The following FADS2 variants were observed in gnomAD, a reference collection of about 807,000 sequenced individuals.
FADS2 encodes the protein acyl-CoA 6-desaturase.
In FADS2, 18 loss-of-function variants were observed where a neutral mutation model predicts 61.2. The observed-to-expected ratio is 0.29, with a 90% CI of 0.20 to 0.44. FADS2 has a LOEUF of 0.44. FADS2 is among the 20% of genes least tolerant of loss of function. The pLI is 1.00. For synonymous variants in FADS2, 203 were observed against 223.9 expected, an observed-to-expected ratio of 0.91 and a Z score of 0.83; for missense variants, 322 against 572.7, an observed-to-expected ratio of 0.56 and a Z score of 4.47.
chr11:61,828,122 C>T, upstream of FADS2: 1 of 1,362,468 alleles, frequency 7.3e-7, no homozygotes, highest in Non-Finnish European at 9.4e-7. This position sits in a 1 kb window ranked among gnomAD's most constrained non-coding sequence, Gnocchi z 6.4. Flanking sequence ...GGCAAAAGTC[C>T]ATAGCGGGAG....
At position 61,864,958 on chromosome 11, in the gene FADS2, G is replaced by A. The variant is rs188437535; in HGVS notation, c.1158-194G>A. On this transcript the variant is annotated intron_variant, in intron 10 of 11. Transcript: ENST00000278840. ...AGAGCACAAACGCCCTCCTGCTCACGGAGGGCTGCACCCTCCCCTCCACAC... is the reference window on the plus strand; with the variant it reads ...AGAGCACAAACGCCCTCCTGCTCACAGAGGGCTGCACCCTCCCCTCCACAC... Among the ~76,000 whole-genome samples, 33 of 152,192 alleles carry A rather than the reference G, an allele frequency of 2.2e-4. No homozygotes were observed. The East Asian group carries it at 4.1e-3, about 19-fold the overall frequency.
At chr11:61,842,003 A>G (rs1478252824) in intron 4 of FADS2, among the ~76,000 whole-genome samples, 4 of 152,186 alleles carry the variant, frequency 2.6e-5, no homozygotes, top group Non-Finnish European at 5.9e-5. Context: ...AGTTTTGAAA[A>G]TGAGTCTTTG....
rs762390755 is a variant in FADS2 at position 61,828,495 on chromosome 11, G to A, written c.105G>A (p.Arg35=). 1.2e-6 allele frequency: 2 copies of A among 1,613,376 alleles called. No homozygotes were observed. Among genetic ancestry groups the A allele is most frequent in the East Asian group, 2.2e-5 (1 of 44,848 alleles). ...EIQKHNLRTD[R]WLVIDRKVYN... ...AGAAGCATAACCTGCGCACCGACAG[G>A]TGGCTGGTCATTGACCGCAAGGTTT... Residue 35 remains arginine, a synonymous_variant, in exon 1 of 12, where the codon AGG becomes AGA. Coordinates refer to ENST00000278840, the MANE Select transcript of FADS2 (RefSeq NM_004265.4). The surrounding 1 kb of genome is among the most constrained non-coding windows in gnomAD (Gnocchi z 6.4).
At chr11:61,855,055 G>A (rs1016209128) in intron 5 of FADS2, 1 of 152,396 alleles carries the variant, frequency 6.6e-6, no homozygotes, top group Non-Finnish European at 1.5e-5. Flanking sequence ...ATGAGAACAG[G>A]GTGCCTACTG....
rs1301589255 is a variant in FADS2 at position 61,857,035 on chromosome 11, C to A, written c.769C>A (p.Leu257Met). 6.2e-7 allele frequency: 1 copy of A among 1,614,030 alleles called. No individual in the cohort carries two copies. The highest frequency in any genetic ancestry group is 1.7e-5 in the Admixed American group (1 of 60,012). ...GTACGGCAAGAAGAAGCTGAAATAC[C>A]TGCCCTACAATCACCAGCACGAATA... ...IEYGKKKLKY[L>M]PYNHQHEYFF... is the part of the protein sequence containing the mutation. The change falls in exon 6 of 12, where the codon CTG (leucine) becomes ATG (methionine). Residue 257 changes from leucine (L) to methionine (M), a missense_variant. Leu to Met is a conservative substitution (Grantham distance 15). This residue lies in a region of FADS2 where 221 missense variants were observed against 427.9 expected (regional missense o/e 0.52). Coordinates refer to ENST00000278840, the MANE Select transcript of FADS2 (RefSeq NM_004265.4).
Position 61,866,157 on chromosome 11 carries a change from G to A in FADS2, c.*468G>A, listed in dbSNP as rs564866842. The A allele has an allele frequency of 1.3e-5, 5 of 398,716 alleles. No homozygotes were observed. Among genetic ancestry groups the A allele is most frequent in the South Asian group, 1.4e-4 (1 of 7,102 alleles). 24.7% of individuals were successfully genotyped at this position (398,716 alleles called of 1,614,324 possible). On this transcript the variant is annotated 3_prime_UTR_variant, in exon 12 of 12. Coordinates refer to ENST00000278840, the MANE Select transcript of FADS2 (RefSeq NM_004265.4). ...GTCGGGCAGGGCCCCTGACCCTCCC[G>A]GCCTGGCTTCACTCTCCCTGACGGC...
chr11:61,832,053 T>C (rs2067135567), intron 1 of FADS2, among the ~76,000 whole-genome samples: 1 of 152,174 alleles, frequency 6.6e-6, no homozygotes, highest in South Asian at 2.1e-4. Flanking sequence ...CCTGAAGCTG[T>C]GGGATGTGCT....
At chr11:61,819,194 A>G (rs2067014348) in intron 1 of FADS2, among the ~76,000 whole-genome samples, 1 of 152,198 alleles carries the variant, frequency 6.6e-6, no homozygotes, top group African/African-American at 2.4e-5. Flanking sequence ...AATGTTTTGA[A>G]TACTGAAGAG....
At chr11:61,840,270 G>C in intron 2 of FADS2, 64 bp from the exon 3 acceptor site, 1 of 1,373,894 alleles carries the variant, frequency 7.3e-7, no homozygotes, top group Admixed American at 1.7e-5. Context: ...ATGGCAGCTC[G>C]AGACATATGT....
intron 4 of FADS2, among the ~76,000 whole-genome samples, chr11:61,841,467 G>A (rs554503779): frequency 2.4e-4 from 37 of 151,602 alleles, no homozygotes; most frequent in African/African-American, 8.7e-4. Flanking sequence ...GGGAGGCTGA[G>A]GCAGGAGAAT....
At chr11:61,818,428 G>A (rs1439890332) in intron 1 of FADS2, among the ~76,000 whole-genome samples, 1 of 152,062 alleles carries the variant, frequency 6.6e-6, no homozygotes, top group Non-Finnish European at 1.5e-5. Context: ...TGTCTAATGC[G>A]AGCTACAAAA....
chr11:61,834,348 G>A (rs912677496), intron 1 of FADS2, among the ~76,000 whole-genome samples: 5 of 152,246 alleles, frequency 3.3e-5, no homozygotes, highest in African/African-American at 1.2e-4. Context: ...ATTTGATCCT[G>A]GCTCTGCCAC....
At chr11:61,856,751 G>A (rs535074848) in intron 5 of FADS2, 8 of 492,904 alleles carry the variant, frequency 1.6e-5, no homozygotes, top group South Asian at 1.0e-4. Flanking sequence ...CAGAAGTGCC[G>A]GCCTTGTAGA....
chr11:61,853,982 G>C (rs569237998), intron 5 of FADS2, among the ~76,000 whole-genome samples: 2 of 152,190 alleles, frequency 1.3e-5, no homozygotes, highest in Non-Finnish European at 2.9e-5. Context: ...TGGAGAGGCC[G>C]AGGACAGGAG....
Position 61,842,361 on chromosome 11 carries a change from A to G in FADS2, c.618+1636A>G, listed in dbSNP as rs191739986. ...AGTGGAGTGCTTTGTTTCATTTTAT[A>G]CTCTTCTCTGTTGGATCAAACCCTC... On this transcript the variant is annotated intron_variant, in intron 4 of 11. Transcript: ENST00000278840. Among the ~76,000 whole-genome samples, 415 of 152,138 alleles carry G rather than the reference A, an allele frequency of 2.7e-3. 1 individual carries two copies. Among genetic ancestry groups the G allele is most frequent in the Non-Finnish European group, 4.8e-3 (325 of 67,992 alleles).
chr11:61,828,249 C>T, upstream of FADS2: 1 of 1,436,662 alleles, frequency 7.0e-7, no homozygotes, highest in Non-Finnish European at 9.1e-7. The surrounding 1 kb of genome is among the most constrained non-coding windows in gnomAD (Gnocchi z 6.4). Context: ...GGAGGGGGCG[C>T]GGTGGGAGGA....
chr11:61,844,274 C>G lies in FADS2; in HGVS notation c.618+3549C>G, dbSNP rs142263526. Among the ~76,000 whole-genome samples the G allele has an allele frequency of 5.7e-3, 873 of 152,138 alleles. 9 individuals carry two copies. The highest frequency in any genetic ancestry group is 0.02 in the African/African-American group (823 of 41,492). ...AATGTAATTAGAAATTAGTTAAGAC[C>G]GGGCGAGGTGGCTTGGCCGGGTGTG... On this transcript the variant is annotated intron_variant, in intron 4 of 11. Coordinates refer to ENST00000278840, the MANE Select transcript of FADS2 (RefSeq NM_004265.4).
rs114031482 is a variant in FADS2, at chr11:61,843,122, T to C, written c.618+2397T>C. On this transcript the variant is annotated intron_variant, in intron 4 of 11. Coordinates refer to ENST00000278840, the MANE Select transcript of FADS2 (RefSeq NM_004265.4). Reference sequence around the variant, plus strand: ...TTAAAACTCTTTCGTAGTTCAGCACTGTACTTAGGATGAAATGCAAACTTC... The same window carrying C: ...TTAAAACTCTTTCGTAGTTCAGCACCGTACTTAGGATGAAATGCAAACTTC... Among the ~76,000 whole-genome samples the C allele has an allele frequency of 4.7e-3, 709 of 152,344 alleles. 5 individuals carry two copies. Among genetic ancestry groups the C allele is most frequent in the African/African-American group, 0.016 (665 of 41,584 alleles).
chr11:61,861,598 GA>G (rs1165596631), intron 7 of FADS2, among the ~76,000 whole-genome samples: 1 of 152,216 alleles, frequency 6.6e-6, no homozygotes, highest in African/African-American at 2.4e-5. Flanking sequence ...AGTGGGAGCA[GA>G]ACTGGCTACA....
Sources: allele counts gnomAD v4.1 joint callset (sites outside exome capture counted in the v4.1 genomes callset), GRCh38; gene constraint gnomAD v4.1.1; regional missense constraint gnomAD v4.1.1; non-coding constraint Gnocchi (gnomAD v3.1); transcripts MANE v1.5; gene names NCBI Gene and HGNC (gene_info 2026-07-23, HGNC 2026-07-21).